GRM8: variants seen among roughly 807,000 people sequenced by gnomAD.
GRM8 encodes glutamate metabotropic receptor 8, also known as metabotropic glutamate receptor 8.
GRM8 carries 47 observed loss-of-function variants against 87.2 expected under a neutral mutation model. That is an observed-to-expected ratio of 0.54 (90% confidence interval 0.43 to 0.69). The LOEUF (loss-of-function observed/expected upper bound fraction) is 0.69, where lower values mean the gene tolerates loss of function less well. Ranked by LOEUF, GRM8 falls within the 30% of genes least tolerant of loss-of-function variation. GRM8 has a pLI of 0.00. For missense variants in GRM8, 1,019 were observed against 1,139.2 expected (o/e 0.89, Z 1.52); for synonymous variants, 396 against 404.5 (o/e 0.98, Z 0.25).
At chr7:127,185,500 A>G (rs890143664) in intron 2 of GRM8, among the ~76,000 whole-genome samples, 2 of 152,192 alleles carry the variant, frequency 1.3e-5, no homozygotes, top group African/African-American at 4.8e-5. Flanking sequence ...TATAAAATGC[A>G]AAAGTATAAA....
chr7:126,743,287 T>G (rs1815224059), intron 7 of GRM8, among the ~76,000 whole-genome samples: 1 of 152,132 alleles, frequency 6.6e-6, no homozygotes, highest in Non-Finnish European at 1.5e-5. Flanking sequence ...TAGCTTAATG[T>G]GCTATAATGC....
chr7:126,534,485 C>T (rs10265534), intron 8 of GRM8, among the ~76,000 whole-genome samples: 24,890 of 152,042 alleles, frequency 0.16, 2,193 homozygotes, highest in Middle Eastern at 0.2. Context: ...CTTGCATTTC[C>T]ATGTTGTGCA....
intron 2 of GRM8, among the ~76,000 whole-genome samples, chr7:127,162,050 T>C (rs1245610368): frequency 6.6e-6 from 1 of 152,178 alleles, no homozygotes; most frequent in Non-Finnish European, 1.5e-5. Flanking sequence ...CCTGTCAAGA[T>C]GTGTGATCCT....
intron 3 of GRM8, among the ~76,000 whole-genome samples, chr7:127,104,919 G>T (rs1825671827): frequency 6.6e-6 from 1 of 152,170 alleles, no homozygotes; most frequent in South Asian, 2.1e-4. Context: ...GCAACAAATG[G>T]CAGATTATGT....
At chr7:126,548,247 T>A (rs762754138) in intron 8 of GRM8, among the ~76,000 whole-genome samples, 1 of 151,812 alleles carries the variant, frequency 6.6e-6, no homozygotes, top group Non-Finnish European at 1.5e-5. Context: ...CAAACCAACA[T>A]GGCACATGTA....
intron 6 of GRM8, among the ~76,000 whole-genome samples, chr7:126,882,067 T>C (rs1348485325): frequency 1.3e-5 from 2 of 152,198 alleles, no homozygotes; most frequent in Non-Finnish European, 2.9e-5. Context: ...CTTACACTAG[T>C]GACTTGGATG....
At chr7:126,941,131 T>C (rs1291583960) in intron 3 of GRM8, among the ~76,000 whole-genome samples, 2 of 152,180 alleles carry the variant, frequency 1.3e-5, no homozygotes, top group African/African-American at 4.8e-5. Context: ...ACATGGGGAC[T>C]TCCCAGTGCC....
intron 9 of GRM8, among the ~76,000 whole-genome samples, chr7:126,497,010 T>G (rs145341863): frequency 6.8e-4 from 101 of 148,510 alleles, no homozygotes; most frequent in African/African-American, 2.4e-3. Flanking sequence ...AAATAACCAA[T>G]TTTAATCCCT....
chr7:126,480,401 ATAAG>A (rs936075988), intron 9 of GRM8, among the ~76,000 whole-genome samples: 47 of 152,072 alleles, frequency 3.1e-4, no homozygotes, highest in African/African-American at 1.0e-3. Context: ...AAATAAATAA[ATAAG>A]TAAGTAAATA....
chr7:126,500,138 C>A (rs1809423619), intron 9 of GRM8, among the ~76,000 whole-genome samples: 1 of 151,864 alleles, frequency 6.6e-6, no homozygotes, highest in Non-Finnish European at 1.5e-5. Flanking sequence ...TAACTATAGT[C>A]ACCTTGCTGT....
intron 2 of GRM8, among the ~76,000 whole-genome samples, chr7:127,230,352 A>G (rs1029800152): frequency 2.6e-5 from 4 of 152,126 alleles, no homozygotes; most frequent in Non-Finnish European, 5.9e-5. Context: ...GTGAGAGGGA[A>G]AGAGGTTTCC....
intron 6 of GRM8, among the ~76,000 whole-genome samples, chr7:126,778,889 A>T (rs2151633350): frequency 6.6e-6 from 1 of 151,944 alleles, no homozygotes; most frequent in East Asian, 1.9e-4. Flanking sequence ...AGAAATATGG[A>T]AAATAAAAGT....
intron 2 of GRM8, among the ~76,000 whole-genome samples, chr7:127,196,923 TG>T (rs1442712785): frequency 6.6e-6 from 1 of 152,184 alleles, no homozygotes; most frequent in Non-Finnish European, 1.5e-5. Flanking sequence ...GGTCTCACTA[TG>T]TTGCCCAGGC....
intron 9 of GRM8, among the ~76,000 whole-genome samples, chr7:126,474,373 A>G (rs570529264): frequency 1.3e-5 from 2 of 152,160 alleles, no homozygotes; most frequent in African/African-American, 4.8e-5. Context: ...CGCTTAAGCA[A>G]TCCTCTCACC....
chr7:126,493,286 G>T (rs1468906362), intron 9 of GRM8, among the ~76,000 whole-genome samples: 1 of 152,028 alleles, frequency 6.6e-6, no homozygotes, highest in Non-Finnish European at 1.5e-5. Context: ...AGAGACTGGG[G>T]TCACTGTCCA....
At chr7:127,139,609 C>G (rs1828145026) in intron 2 of GRM8, among the ~76,000 whole-genome samples, 1 of 152,092 alleles carries the variant, frequency 6.6e-6, no homozygotes, top group Non-Finnish European at 1.5e-5. Context: ...CAAACCTCCT[C>G]AAGATAATCA....
intron 2 of GRM8, among the ~76,000 whole-genome samples, chr7:127,218,141 C>G (rs552332044): frequency 3.3e-4 from 51 of 152,260 alleles, no homozygotes; most frequent in Non-Finnish European, 7.1e-4. Flanking sequence ...TAGCTTCGCT[C>G]TGTTCCAGGA....
intron 9 of GRM8, among the ~76,000 whole-genome samples, chr7:126,514,862 G>A (rs1562905902): frequency 6.6e-6 from 1 of 151,848 alleles, no homozygotes; most frequent in African/African-American, 2.4e-5. Context: ...GAATTTTTTA[G>A]TATTACATTG....
chr7:126,788,420 A>AACAAAAAAAAAAAACAAAAAAAAAAAAAC (rs1554492201), intron 6 of GRM8, among the ~76,000 whole-genome samples: 2,346 of 81,102 alleles, frequency 0.029, 296 homozygotes, highest in African/African-American at 0.097. Flanking sequence ...AAAAAAAAAA[A>AACAAAAAAAAAAAACAAAAAAAAAAAAAC]AAACCCTTTC....
Sources: allele counts gnomAD v4.1 joint callset (sites outside exome capture counted in the v4.1 genomes callset), GRCh38; gene constraint gnomAD v4.1.1; transcripts MANE v1.5; gene names NCBI Gene and HGNC (gene_info 2026-07-23, HGNC 2026-07-21).